FRAS1: variants seen among roughly 807,000 people sequenced by gnomAD.
FRAS1 encodes Fraser extracellular matrix complex subunit 1.
A neutral mutation model predicts 435.2 loss-of-function variants in FRAS1; 290 were observed. The ratio of observed to expected loss-of-function variants is 0.67; its 90% CI spans 0.61 to 0.73. The LOEUF is 0.73. Among genes scored for constraint, FRAS1 ranks in the 30% least tolerant of loss-of-function variants. The pLI, the probability that FRAS1 is intolerant of heterozygous loss-of-function variation, is 0.00. For synonymous variants in FRAS1, 1,800 were observed against 1,851.0 expected, an observed-to-expected ratio of 0.97 and a Z score of 0.71; for missense variants, 4,860 against 5,001.5, an observed-to-expected ratio of 0.97 and a Z score of 0.85.
intron 41 of FRAS1, among the ~76,000 whole-genome samples, chr4:78,444,396 ATGGTGT>A (rs1212554446): frequency 5.9e-5 from 9 of 152,142 alleles, no homozygotes; most frequent in South Asian, 4.1e-4. Flanking sequence ...AGAAAAAAAA[ATGGTGT>A]TGAGCTCTTC....
chr4:78,294,220 G>A (rs544333631), intron 14 of FRAS1, among the ~76,000 whole-genome samples: 1 of 152,330 alleles, frequency 6.6e-6, no homozygotes, highest in South Asian at 2.1e-4. Flanking sequence ...GAGCAGCTGT[G>A]TTAGTGCAGC....
chr4:78,163,082 A>C (rs2867008), intron 2 of FRAS1, among the ~76,000 whole-genome samples: 35,100 of 152,176 alleles, frequency 0.23, 4,281 homozygotes, highest in Admixed American at 0.25. Flanking sequence ...ACAGTTGTCA[A>C]CATTTCATGT....
intron 2 of FRAS1, among the ~76,000 whole-genome samples, chr4:78,081,814 TC>T (rs1740909640): frequency 6.6e-6 from 1 of 152,100 alleles, no homozygotes; most frequent in South Asian, 2.1e-4. Flanking sequence ...TAAGAAAGCT[TC>T]CTTCTTTCCT....
At chr4:78,169,201 A>G (rs112505751) in intron 2 of FRAS1, among the ~76,000 whole-genome samples, 8 of 152,196 alleles carry the variant, frequency 5.3e-5, no homozygotes, top group Admixed American at 1.3e-4. Context: ...TGCTCCAACA[A>G]TGTTCCTGAG....
At chr4:78,080,522 T>C (rs926288629) in intron 2 of FRAS1, among the ~76,000 whole-genome samples, 13 of 152,216 alleles carry the variant, frequency 8.5e-5, no homozygotes, top group Non-Finnish European at 1.9e-4. Context: ...TTTATCTTAA[T>C]TGGATACATT....
intron 2 of FRAS1, among the ~76,000 whole-genome samples, chr4:78,197,313 C>CATCT (rs1722858561): frequency 6.6e-6 from 1 of 152,208 alleles, no homozygotes; most frequent in Non-Finnish European, 1.5e-5. Flanking sequence ...AGTAAAGACA[C>CATCT]ATCTGTAAAG....
chr4:78,258,882 G>A (rs1725933062), intron 6 of FRAS1, among the ~76,000 whole-genome samples: 1 of 96,066 alleles, frequency 1.0e-5, no homozygotes, highest in Non-Finnish European at 1.9e-5. Context: ...ACAGTCCCCA[G>A]AGTGTGATGT....
chr4:78,282,409 A>G (rs1034016513), intron 11 of FRAS1, among the ~76,000 whole-genome samples: 2 of 152,216 alleles, frequency 1.3e-5, no homozygotes, highest in African/African-American at 4.8e-5. Flanking sequence ...GTTTTTAGCC[A>G]AGTGTCCCAC....
chr4:78,333,146 A>G, intron 18 of FRAS1, 126 bp from the exon 19 acceptor site: 3 of 1,086,888 alleles, frequency 2.8e-6, no homozygotes, highest in South Asian at 2.1e-5. Context: ...GCAGCCTGTC[A>G]TTGGGAAAAC....
At chr4:78,229,857 C>T (rs1023713685) in intron 2 of FRAS1, among the ~76,000 whole-genome samples, 4 of 152,104 alleles carry the variant, frequency 2.6e-5, no homozygotes, top group African/African-American at 4.8e-5. Flanking sequence ...TTTCACAGGA[C>T]GCTGTGAGAA....
chr4:78,243,909 T>C (rs1405712635), intron 3 of FRAS1, among the ~76,000 whole-genome samples: 6 of 152,166 alleles, frequency 3.9e-5, no homozygotes, highest in Non-Finnish European at 8.8e-5. Flanking sequence ...ATGAAATTCT[T>C]AGTGGAAATT....
intron 59 of FRAS1, among the ~76,000 whole-genome samples, chr4:78,496,372 C>G (rs1175397986): frequency 2.6e-5 from 4 of 152,116 alleles, no homozygotes; most frequent in Non-Finnish European, 4.4e-5. Flanking sequence ...TCAATTTTTA[C>G]AAAGGAAAAG....
Position 78,466,272 on chromosome 4 carries a change from A to G in FRAS1, c.7094A>G (p.Asn2365Ser), listed in dbSNP as rs1167107666. 1.9e-6 allele frequency: 3 copies of G among 1,613,778 alleles called. No homozygotes were observed. Among genetic ancestry groups the G allele is most frequent in the Non-Finnish European group, 2.5e-6 (3 of 1,179,842 alleles). ...CATGGCACCATCGAGCGAACCAGCA[A>G]TGGGCAGCATTTCCACCTCACCTCC... ...PRHGTIERTSNGQHFHLTSTF... is the reference protein window; with the variant it reads ...PRHGTIERTSSGQHFHLTSTF... The change falls in exon 50 of 74, where the codon AAT becomes AGT. Residue 2365 changes from asparagine (N) to serine (S), a missense_variant. Physicochemically the swap from Asn to Ser is conservative, Grantham distance 46. Transcript: ENST00000512123.
rs771098149 is a variant in FRAS1 at position 78,315,722 on chromosome 4, G to A, written c.1807G>A (p.Gly603Ser). The change falls in exon 16 of 74, where the codon GGC becomes AGC. Residue 603 changes from glycine (G) to serine (S), a missense_variant. Physicochemically the swap from Gly to Ser is moderately conservative, Grantham distance 56. Transcript: ENST00000512123. ...CPGGYYADAT[G>S]RCKVCHNSCA... ...TGGCGGGTACTATGCTGATGCCACT[G>A]GCAGGTGCAAAGGTAAGAGATGGGT... 1.9e-6 allele frequency: 3 copies of A among 1,613,830 alleles called. No individual in the cohort carries two copies.
intron 6 of FRAS1, among the ~76,000 whole-genome samples, chr4:78,257,053 T>C (rs910963774): frequency 2.0e-5 from 3 of 152,160 alleles, no homozygotes; most frequent in African/African-American, 7.2e-5. Flanking sequence ...TTTGGGTGTT[T>C]ACTATGTGTC....
chr4:78,453,267 G>A (rs1719081424), intron 47 of FRAS1, among the ~76,000 whole-genome samples: 1 of 152,156 alleles, frequency 6.6e-6, no homozygotes, highest in Non-Finnish European at 1.5e-5. Context: ...AGGAGGCAGT[G>A]GCAGGGGTTA....
chr4:78,374,394 T>C, intron 25 of FRAS1, 143 bp downstream of exon 25: 1 of 713,758 alleles, frequency 1.4e-6, no homozygotes, highest in Non-Finnish European at 2.2e-6. Context: ...ATTGATGGCT[T>C]CCCATGCATA....
intron 2 of FRAS1, among the ~76,000 whole-genome samples, chr4:78,114,995 A>G (rs1391874971): frequency 2.6e-5 from 4 of 152,050 alleles, no homozygotes; most frequent in African/African-American, 9.7e-5. Context: ...TTATTTTGAG[A>G]TACGTCCCAT....
At position 78,293,193 on chromosome 4, in the gene FRAS1, A is replaced by G. The variant is rs547269056; in HGVS notation, c.1534+6654A>G. On this transcript the variant is annotated intron_variant, in intron 14 of 73. Coordinates refer to ENST00000512123, the MANE Select transcript of FRAS1 (RefSeq NM_025074.7). ...ATACTTAGATAGTTATCATTATATGAAATTATTATTATCAGTGCTATAAAG... is the reference window on the plus strand; with the variant it reads ...ATACTTAGATAGTTATCATTATATGGAATTATTATTATCAGTGCTATAAAG... Among the ~76,000 whole-genome samples, 3 of 152,352 alleles carry G rather than the reference A, an allele frequency of 2.0e-5. No homozygotes were observed. In the East Asian group the frequency reaches 5.8e-4, roughly 29 times the overall value.
Sources: allele counts gnomAD v4.1 joint callset (sites outside exome capture counted in the v4.1 genomes callset), GRCh38; gene constraint gnomAD v4.1.1; transcripts MANE v1.5; gene names NCBI Gene and HGNC (gene_info 2026-07-23, HGNC 2026-07-21).